Variants in MOB1A observed in about 807,000 individuals in gnomAD.
The protein encoded by MOB1A is MOB kinase activator 1A, also known as MOB1 Mps One Binder homolog A.
In MOB1A, 10 loss-of-function variants were observed where a neutral mutation model predicts 25.1. The ratio of observed to expected loss-of-function variants is 0.40; its 90% CI spans 0.25 to 0.68. The LOEUF (loss-of-function observed/expected upper bound fraction) is 0.68, where lower values mean the gene tolerates loss of function less well. Among genes scored for constraint, MOB1A ranks in the 30% least tolerant of loss-of-function variants. The pLI is 0.40. For synonymous variants in MOB1A, 81 were observed against 79.5 expected (o/e 1.02, Z -0.10); for missense variants, 177 against 256.3 (o/e 0.69, Z 2.11).
chr2:74,160,546 C>T (rs1043728708), intron 4 of MOB1A, among the ~76,000 whole-genome samples: 1 of 151,944 alleles, frequency 6.6e-6, no homozygotes, highest in African/African-American at 2.4e-5. Flanking sequence ...ACTAAAAATA[C>T]AAAAATTAGC....
At chr2:74,165,850 A>G (rs1489755338) in intron 3 of MOB1A, among the ~76,000 whole-genome samples, 1 of 152,228 alleles carries the variant, frequency 6.6e-6, no homozygotes, top group African/African-American at 2.4e-5. Context: ...ACAAAACATC[A>G]CTGTGTAAAG....
intron 4 of MOB1A, among the ~76,000 whole-genome samples, chr2:74,159,533 C>T (rs1055549672): frequency 2.6e-5 from 4 of 151,914 alleles, no homozygotes; most frequent in East Asian, 1.9e-4. Context: ...GCAATCTGCC[C>T]GCCTCAACCT....
intron 4 of MOB1A, among the ~76,000 whole-genome samples, chr2:74,163,062 A>T (rs980986409): frequency 3.9e-5 from 6 of 152,242 alleles, no homozygotes; most frequent in African/African-American, 1.4e-4. Context: ...ACCAAAAGCC[A>T]AGATTTCGGC....
intron 1 of MOB1A, chr2:74,178,424 C>T: frequency 2.9e-6 from 1 of 347,168 alleles, no homozygotes; most frequent in Non-Finnish European, 5.2e-6. Flanking sequence ...GGCGCGACGG[C>T]CCCGGGGCCT....
Position 74,153,315 on chromosome 2 carries a change from TA to T in MOB1A, c.*3252del, listed in dbSNP as rs946391653. On this transcript the variant is annotated 3_prime_UTR_variant, in exon 6 of 6. Transcript: ENST00000396049. ...TGTTTGAGAAGCTCTACTTCTAGTA[TA>T]CCTCAATGCTCAGAGAGAAAGCCAA... 1.3e-5 allele frequency: 2 copies of T among 152,226 alleles called. No homozygotes were observed. The highest frequency in any genetic ancestry group is 4.8e-5 in the African/African-American group (2 of 41,458). 9.4% of individuals were successfully genotyped at this position (152,226 alleles called of 1,614,324 possible). A position where few individuals can be genotyped will look rare whatever the true frequency, so the allele number is the denominator to read the frequency against.
At chr2:74,171,615 G>C (rs1693295626) in intron 2 of MOB1A, among the ~76,000 whole-genome samples, 1 of 152,014 alleles carries the variant, frequency 6.6e-6, no homozygotes, top group Non-Finnish European at 1.5e-5. Context: ...CCATTAAGAA[G>C]TTTTAGGCTG....
intron 1 of MOB1A, among the ~76,000 whole-genome samples, chr2:74,176,993 G>A (rs928132745): frequency 6.6e-6 from 1 of 152,058 alleles, no homozygotes; most frequent in Non-Finnish European, 1.5e-5. Flanking sequence ...GTTCACAGCA[G>A]CATTATTCAT....
At position 74,178,852 on chromosome 2, in the gene MOB1A, C is replaced by A; in HGVS notation, c.-178G>T. On this transcript the variant is annotated 5_prime_UTR_variant, in exon 1 of 6. Coordinates refer to ENST00000396049, the MANE Select transcript of MOB1A (RefSeq NM_018221.5). The stretch of plus-strand genomic sequence containing the variant: ...TGCAAACCTCGGCGCCCGCCTTGCC[C>A]GCCTACCCCACCTCGCAGACCCGAA... 2.5e-6 allele frequency: 1 copy of A among 395,324 alleles called. No individual in the cohort carries two copies. Among genetic ancestry groups the A allele is most frequent in the Non-Finnish European group, 4.4e-6 (1 of 226,434 alleles). 24.5% of individuals were successfully genotyped at this position (395,324 alleles called of 1,614,324 possible). A position where few individuals can be genotyped will look rare whatever the true frequency, so the allele number is the denominator to read the frequency against.
chr2:74,163,635 C>T (rs1481730674), intron 4 of MOB1A, among the ~76,000 whole-genome samples: 3 of 151,932 alleles, frequency 2.0e-5, no homozygotes, highest in Admixed American at 1.3e-4. Flanking sequence ...GAGACCCTGT[C>T]TCAAAAAAAA....
intron 3 of MOB1A, among the ~76,000 whole-genome samples, chr2:74,166,808 C>G (rs72917181): frequency 0.047 from 7,118 of 152,214 alleles, 557 homozygotes; most frequent in African/African-American, 0.16. Flanking sequence ...TGCAATCCAG[C>G]CTGGCAACAG....
intron 1 of MOB1A, 41 bp downstream of exon 1, chr2:74,178,620 T>A: frequency 7.3e-7 from 1 of 1,364,858 alleles, no homozygotes; most frequent in Non-Finnish European, 9.5e-7. Flanking sequence ...CCCCACAACC[T>A]CGGCCCGCAG....
chr2:74,175,806 C>A (rs1693436862), intron 1 of MOB1A, among the ~76,000 whole-genome samples: 1 of 152,090 alleles, frequency 6.6e-6, no homozygotes, highest in Non-Finnish European at 1.5e-5. Context: ...ACCAAACGTA[C>A]AGCAGGAGCC....
intron 1 of MOB1A, among the ~76,000 whole-genome samples, chr2:74,174,185 G>A (rs1276608116): frequency 6.6e-6 from 1 of 150,546 alleles, no homozygotes; most frequent in African/African-American, 2.4e-5. Context: ...GCAGGAGAAT[G>A]GCTTGAACCC....
chr2:74,168,409 A>G (rs1160311690), intron 2 of MOB1A, among the ~76,000 whole-genome samples: 11 of 152,248 alleles, frequency 7.2e-5, no homozygotes, highest in Admixed American at 7.2e-4. Context: ...TCACGCCTAT[A>G]ATCACAGCAC....
rs546017692 is a variant in MOB1A at position 74,178,818 on chromosome 2, G to C, written c.-144C>G. The C allele has an allele frequency of 2.1e-5, 9 of 433,322 alleles. No homozygotes were observed. The East Asian group carries it at 3.5e-4, about 17-fold the overall frequency. 26.8% of individuals were successfully genotyped at this position (433,322 alleles called of 1,614,324 possible). ...GCTCGGAGCCGGGTTTCTGGCCGCT[G>C]CGAGCCTTTGCAAACCTCGGCGCCC... On this transcript the variant is annotated 5_prime_UTR_variant, in exon 1 of 6. Coordinates refer to ENST00000396049, the MANE Select transcript of MOB1A (RefSeq NM_018221.5).
At chr2:74,172,788 A>G (rs755752695) in intron 1 of MOB1A, 36 bp from the exon 2 acceptor site, 2 of 1,589,082 alleles carry the variant, frequency 1.3e-6, no homozygotes, top group Non-Finnish European at 1.7e-6. Context: ...TGAATTTTTA[A>G]GACTGGAAGT....
intron 2 of MOB1A, among the ~76,000 whole-genome samples, chr2:74,168,017 C>T (rs903740943): frequency 1.3e-5 from 2 of 152,074 alleles, no homozygotes; most frequent in Non-Finnish European, 2.9e-5. Flanking sequence ...TGCACACCTA[C>T]AGTCCCAGCT....
At chr2:74,159,443 G>A (rs963771261) in intron 4 of MOB1A, among the ~76,000 whole-genome samples, 189 bp from the exon 5 acceptor site, 3 of 151,886 alleles carry the variant, frequency 2.0e-5, no homozygotes, top group Non-Finnish European at 2.9e-5. Flanking sequence ...ACGCCACCAT[G>A]CCCAGCTAAT....
intron 2 of MOB1A, among the ~76,000 whole-genome samples, chr2:74,169,836 C>G (rs758352369): frequency 3.4e-4 from 52 of 151,994 alleles, no homozygotes; most frequent in Non-Finnish European, 7.1e-4. Context: ...ACCATGTTGC[C>G]TAGGCTGGTC....
Sources: allele counts gnomAD v4.1 joint callset (sites outside exome capture counted in the v4.1 genomes callset), GRCh38; gene constraint gnomAD v4.1.1; transcripts MANE v1.5; gene names NCBI Gene and HGNC (gene_info 2026-07-23, HGNC 2026-07-21).